OPRM1: variants seen among roughly 807,000 people sequenced by gnomAD.
OPRM1 encodes the protein opioid receptor mu 1.
OPRM1 carries 27 observed loss-of-function variants against 31.8 expected under a neutral mutation model. The observed-to-expected ratio is 0.85, with a 90% confidence interval of 0.63 to 1.17. OPRM1 has a LOEUF of 1.17. Among genes scored for constraint, OPRM1 ranks in the 50% most tolerant of loss-of-function variants. The pLI, the probability that OPRM1 is intolerant of heterozygous loss-of-function variation, is 0.00. For synonymous variants in OPRM1, 196 were observed against 189.9 expected (o/e 1.03, Z -0.26); for missense variants, 536 against 511.1 (o/e 1.05, Z -0.47).
chr6:154,023,125 G>A (rs1778482371), intron 1 of OPRM1, among the ~76,000 whole-genome samples: 1 of 152,146 alleles, frequency 6.6e-6, no homozygotes, highest in Non-Finnish European at 1.5e-5. Flanking sequence ...CATTAAATTT[G>A]TAGATTGATG....
intron 3 of OPRM1, chr6:154,159,271 A>G (rs1479799310): frequency 6.3e-6 from 1 of 157,874 alleles, no homozygotes; most frequent in Admixed American, 6.5e-5. Context: ...CTGTCTATGA[A>G]GCATTTCTCA....
intron 1 of OPRM1, among the ~76,000 whole-genome samples, chr6:154,080,710 C>T (rs1303057035): frequency 6.6e-6 from 1 of 152,172 alleles, no homozygotes; most frequent in African/African-American, 2.4e-5. Context: ...TCTGGTGACC[C>T]GTACGTGAGT....
chr6:154,238,324 C>T (rs1330583274), intron 3 of OPRM1, among the ~76,000 whole-genome samples: 1 of 152,082 alleles, frequency 6.6e-6, no homozygotes, highest in African/African-American at 2.4e-5. Flanking sequence ...GGCGCTGTCT[C>T]GGCTCACTGC....
intron 1 of OPRM1, among the ~76,000 whole-genome samples, chr6:154,071,316 A>C (rs1426859432): frequency 6.6e-6 from 1 of 152,218 alleles, no homozygotes; most frequent in Non-Finnish European, 1.5e-5. Context: ...CTACAGATAG[A>C]TGCTGGATAA....
exon 1 of OPRM1, chr6:154,011,001 G>A (rs979061063): frequency 5.7e-5 from 73 of 1,291,174 alleles, no homozygotes; most frequent in Non-Finnish European, 7.1e-5. Flanking sequence ...GCACAATGCT[G>A]AAATAGCATG....
In OPRM1 at chr6:154,124,142, G is replaced by A. The variant is rs1177509890; in HGVS notation, c.*5421G>A. ...ACAGTGGACTAAAGGTACTTTTGTAGCAAGGTACTTTCCACACAATATTGA... is the reference window on the plus strand; with the variant it reads ...ACAGTGGACTAAAGGTACTTTTGTAACAAGGTACTTTCCACACAATATTGA... On this transcript the variant is annotated 3_prime_UTR_variant, in exon 4 of 4. Transcript: ENST00000330432. Among the ~76,000 whole-genome samples, 1 of 152,128 alleles carries A rather than the reference G, an allele frequency of 6.6e-6. No homozygotes were observed. Among genetic ancestry groups the A allele is most frequent in the Non-Finnish European group, 1.5e-5 (1 of 68,030 alleles).
At position 154,039,483 on chromosome 6, in the gene OPRM1, C is replaced by A. The variant is rs985368137; in HGVS notation, c.-62C>A. On this transcript the variant is annotated 5_prime_UTR_variant, in exon 1 of 4. Transcript: ENST00000330432. ...AAGGAAGCGGCTGAGGCGCTTGGAA[C>A]CCGAAAAGTCTCGGTGCTCCTGGCT... The A allele has an allele frequency of 3.2e-6, 5 of 1,560,978 alleles. No individual in the cohort carries two copies. The highest frequency in any genetic ancestry group is 3.5e-6 in the Non-Finnish European group (4 of 1,152,306).
chr6:154,053,475 G>A (rs867600081), intron 1 of OPRM1, among the ~76,000 whole-genome samples: 7 of 152,108 alleles, frequency 4.6e-5, no homozygotes, highest in Non-Finnish European at 5.9e-5. Flanking sequence ...AATGTTTTCT[G>A]CAGCTCTCAG....
At chr6:154,139,920 C>T (rs1395147135) in intron 3 of OPRM1, among the ~76,000 whole-genome samples, 4 of 152,102 alleles carry the variant, frequency 2.6e-5, no homozygotes, top group South Asian at 2.1e-4. Context: ...TTAAATTCCC[C>T]GGTGACGTTA....
chr6:154,186,598 C>T (rs1334148729), intron 3 of OPRM1, among the ~76,000 whole-genome samples: 1 of 151,962 alleles, frequency 6.6e-6, no homozygotes, highest in Non-Finnish European at 1.5e-5. Context: ...GCTTTGTCGC[C>T]CAGGCTGGAG....
intron 1 of OPRM1, among the ~76,000 whole-genome samples, chr6:154,059,754 A>T (rs1784042506): frequency 6.6e-6 from 1 of 152,228 alleles, no homozygotes; most frequent in Non-Finnish European, 1.5e-5. Context: ...CACTGAATTT[A>T]TTACAATGTT....
intron 3 of OPRM1, among the ~76,000 whole-genome samples, chr6:154,102,096 C>T (rs1296169681): frequency 2.0e-5 from 3 of 152,108 alleles, no homozygotes; most frequent in Non-Finnish European, 4.4e-5. Flanking sequence ...CACACCATCA[C>T]ACCATGCTAA....
At chr6:154,245,484 T>C (rs899267513) in intron 3 of OPRM1, among the ~76,000 whole-genome samples, 1 of 152,148 alleles carries the variant, frequency 6.6e-6, no homozygotes, top group Non-Finnish European at 1.5e-5. Flanking sequence ...GCAACGAAAA[T>C]TGATTAGTGG....
intron 1 of OPRM1, among the ~76,000 whole-genome samples, chr6:154,043,320 C>A (rs889892455): frequency 6.6e-6 from 1 of 152,052 alleles, no homozygotes; most frequent in African/African-American, 2.4e-5. Flanking sequence ...ATTGTCATTT[C>A]TCCTTCCTAA....
rs767445001 is a variant in OPRM1 at position 154,091,504 on chromosome 6, T to C, written c.1164+32T>C. Reference sequence around the variant, plus strand: ...AGTCTCTAGAATTAGGTATATCTACTGGGGATGACATAAAAATTATAAGGC... The same window carrying C: ...AGTCTCTAGAATTAGGTATATCTACCGGGGATGACATAAAAATTATAAGGC... On this transcript the variant is annotated intron_variant, in intron 3 of 3. Transcript: ENST00000330432. 5 of 1,573,308 alleles carry C rather than the reference T, an allele frequency of 3.2e-6. No homozygotes were observed. The South Asian group carries it at 5.9e-5, about 18-fold the overall frequency.
chr6:154,110,582 G>T, intron 3 of OPRM1: 2 of 572,250 alleles, frequency 3.5e-6, no homozygotes, highest in Non-Finnish European at 6.3e-6. Context: ...GAGCTCTTTT[G>T]ACTGCTCAAG....
Position 154,222,947 on chromosome 6 carries a change from T to G in OPRM1, c.1165-23746T>G, listed in dbSNP as rs1778982840. ...CATCAACAACAGTCCATGCCAAGAC[T>G]TCGTGGGGGTTTTAAAATCCATCTG... On this transcript the variant is annotated intron_variant, in intron 3 of 3. Coordinates refer to the OPRM1 transcript ENST00000337049. The G allele has an allele frequency of 7.0e-6, 4 of 572,314 alleles. No individual in the cohort carries two copies. In the East Asian group the frequency reaches 1.2e-4, roughly 17 times the overall value. 35.5% of individuals were successfully genotyped at this position (572,314 alleles called of 1,614,324 possible).
At chr6:154,213,497 T>C (rs1474234633) in intron 3 of OPRM1, among the ~76,000 whole-genome samples, 1 of 152,218 alleles carries the variant, frequency 6.6e-6, no homozygotes, top group Admixed American at 6.5e-5. Context: ...TATTGCACGG[T>C]ACCCCTTTAC....
intron 1 of OPRM1, among the ~76,000 whole-genome samples, chr6:154,026,657 C>A (rs1286102428): frequency 2.6e-5 from 4 of 152,036 alleles, no homozygotes; most frequent in African/African-American, 9.7e-5. Context: ...TCTTTTGTCT[C>A]CACTGACTGT....
Sources: allele counts gnomAD v4.1 joint callset (sites outside exome capture counted in the v4.1 genomes callset), GRCh38; gene constraint gnomAD v4.1.1; transcripts MANE v1.5; gene names NCBI Gene and HGNC (gene_info 2026-07-23, HGNC 2026-07-21).